ITPR2: variants seen among roughly 807,000 people sequenced by gnomAD.
ITPR2 encodes the protein inositol 1,4,5-trisphosphate-gated calcium channel ITPR2.
ITPR2 carries 207 observed loss-of-function variants against 317.1 expected under a neutral mutation model. That is an observed-to-expected ratio of 0.65 (90% CI 0.58 to 0.73). The LOEUF is 0.73. ITPR2 is among the 30% of genes least tolerant of loss of function. ITPR2 has a pLI of 0.00. For missense variants in ITPR2, 2,613 were observed against 3,284.0 expected (o/e 0.80, Z 4.99); for synonymous variants, 1,156 against 1,149.1 (o/e 1.01, Z -0.12).
intron 44 of ITPR2, among the ~76,000 whole-genome samples, 168 bp downstream of exon 44, chr12:26,476,744 C>T (rs958290426): frequency 1.3e-5 from 2 of 152,158 alleles, no homozygotes. Context: ...TCACACAGGC[C>T]TTTGTCACCA....
intron 26 of ITPR2, among the ~76,000 whole-genome samples, chr12:26,612,505 G>A (rs1340322501): frequency 6.6e-6 from 1 of 152,188 alleles, no homozygotes; most frequent in African/African-American, 2.4e-5. Context: ...ATCTTTGGCT[G>A]CTGGGTTATT....
intron 8 of ITPR2, among the ~76,000 whole-genome samples, chr12:26,711,582 A>C (rs1289671377): frequency 6.6e-6 from 1 of 152,152 alleles, no homozygotes; most frequent in African/African-American, 2.4e-5. Flanking sequence ...TCAAACATTT[A>C]CTTGGCAGCT....
chr12:26,517,787 G>A (rs1457916319), intron 37 of ITPR2, among the ~76,000 whole-genome samples: 1 of 152,184 alleles, frequency 6.6e-6, no homozygotes, highest in Admixed American at 6.5e-5. Flanking sequence ...GCAGTGAGTT[G>A]AGGTCACGCC....
intron 37 of ITPR2, among the ~76,000 whole-genome samples, chr12:26,497,421 T>A (rs2136880292): frequency 6.6e-6 from 1 of 152,332 alleles, no homozygotes; most frequent in South Asian, 2.1e-4. Flanking sequence ...CCCAAAGTGC[T>A]GGGATTACAG....
intron 55 of ITPR2, among the ~76,000 whole-genome samples, chr12:26,344,282 T>C (rs865862033): frequency 6.6e-6 from 1 of 152,140 alleles, no homozygotes; most frequent in Admixed American, 6.5e-5. Context: ...GAAAGCAGCA[T>C]TCTGGGAGAG....
In ITPR2 at chr12:26,340,964, G is replaced by A. The variant is rs189237413; in HGVS notation, c.7858-636C>T. ...AATAGCTGGTTCCACTTCTGTTTTTGTAGGCAGCCTGGGTGTATGTAGGTG... is the reference window on the plus strand; with the variant it reads ...AATAGCTGGTTCCACTTCTGTTTTTATAGGCAGCCTGGGTGTATGTAGGTG... On this transcript the variant is annotated intron_variant, in intron 55 of 56. Transcript: ENST00000381340. Among the ~76,000 whole-genome samples, 22 of 152,244 alleles carry A rather than the reference G, an allele frequency of 1.4e-4. No homozygotes were observed. The East Asian group carries it at 3.7e-3, about 25-fold the overall frequency.
intron 2 of ITPR2, among the ~76,000 whole-genome samples, chr12:26,752,230 T>C (rs989947969): frequency 4.6e-5 from 7 of 152,190 alleles, no homozygotes; most frequent in Admixed American, 1.3e-4. Flanking sequence ...AGTCCCTGAC[T>C]TACAATGGTT....
intron 44 of ITPR2, among the ~76,000 whole-genome samples, chr12:26,475,794 GGAACTTACTCTCCAGTGGGA>G (rs1172558288): frequency 6.6e-6 from 1 of 152,160 alleles, no homozygotes; most frequent in African/African-American, 2.4e-5. Flanking sequence ...GTACCCTCAT[GGAACTTACTCTCCAGTGGGA>G]GAGTCAGCAA....
chr12:26,467,625 G>C (rs1942200392), intron 45 of ITPR2, among the ~76,000 whole-genome samples: 1 of 152,162 alleles, frequency 6.6e-6, no homozygotes. Flanking sequence ...CTAGAATTCA[G>C]ACTGATGCTC....
At chr12:26,458,653 A>G (rs1263824325) in intron 45 of ITPR2, among the ~76,000 whole-genome samples, 2 of 152,222 alleles carry the variant, frequency 1.3e-5, no homozygotes, top group Non-Finnish European at 2.9e-5. Context: ...GGGGTGACGG[A>G]GGGGAACATT....
rs773731732 is a variant in ITPR2, at chr12:26,569,736, C to G, written c.4631-7784G>C. 9.9e-5 allele frequency among the ~76,000 whole-genome samples: 15 copies of G among 151,484 alleles called. 1 individual carries two copies. Among genetic ancestry groups the G allele is most frequent in the Non-Finnish European group, 1.5e-4 (10 of 67,896 alleles). On this transcript the variant is annotated intron_variant, in intron 34 of 56. Coordinates refer to ENST00000381340, the MANE Select transcript of ITPR2 (RefSeq NM_002223.4). ...ATATCAATCATTTAATGTTTTTTTC[C>G]TCACTCATAAAAAAGAGAAACACAC...
chr12:26,801,245 C>T (rs1191124547), intron 1 of ITPR2: 3 of 156,668 alleles, frequency 1.9e-5, no homozygotes, highest in African/African-American at 2.4e-5. Flanking sequence ...TATTTTATGC[C>T]CAGAACATTC....
At chr12:26,493,474 G>C (rs1465387366) in intron 39 of ITPR2, among the ~76,000 whole-genome samples, 1 of 152,130 alleles carries the variant, frequency 6.6e-6, no homozygotes, top group Non-Finnish European at 1.5e-5. Context: ...AGCTACATAG[G>C]AGGAATAAAT....
intron 34 of ITPR2, among the ~76,000 whole-genome samples, chr12:26,571,875 C>A (rs1168732097): frequency 6.6e-6 from 1 of 152,134 alleles, no homozygotes; most frequent in African/African-American, 2.4e-5. Flanking sequence ...ATTCCATGTA[C>A]AACTAAGAAA....
intron 32 of ITPR2, among the ~76,000 whole-genome samples, chr12:26,581,025 G>T (rs1945391168): frequency 6.6e-6 from 1 of 152,298 alleles, no homozygotes; most frequent in Middle Eastern, 3.4e-3. Context: ...CTGAAAAACT[G>T]CAGCAGAGAA....
At position 26,715,767 on chromosome 12, in the gene ITPR2, C is replaced by T; in HGVS notation, c.693G>A (p.Glu231=). The T allele has an allele frequency of 6.2e-7, 1 of 1,600,454 alleles. No homozygotes were observed. Among genetic ancestry groups the T allele is most frequent in the Non-Finnish European group, 8.6e-7 (1 of 1,168,420 alleles). Residue 231 remains glutamate, a synonymous_variant, in exon 7 of 57, where the codon GAG becomes GAA. Transcript: ENST00000381340. ...ACATACTTACTCCTTTTAATACATC[C>T]TCTCGATAGGAACTATATTTCATGA... ...TLFMKYSSYR[E]DVLKGGDVVR...
intron 37 of ITPR2, among the ~76,000 whole-genome samples, chr12:26,545,394 G>C (rs1944371568): frequency 6.6e-6 from 1 of 152,060 alleles, no homozygotes; most frequent in Non-Finnish European, 1.5e-5. Flanking sequence ...GCGGGAAATA[G>C]GGAGTGGAGA....
At chr12:26,624,387 T>C (rs1372567818) in intron 23 of ITPR2, 31 bp from the exon 24 acceptor site, 1 of 1,493,992 alleles carries the variant, frequency 6.7e-7, no homozygotes, top group Non-Finnish European at 9.2e-7. Flanking sequence ...ATCTCTTCTT[T>C]ATCCTATTTT....
In ITPR2 at chr12:26,472,702, A is replaced by C. The variant is rs562362953; in HGVS notation, c.6342+2594T>G. On this transcript the variant is annotated intron_variant, in intron 45 of 56. Coordinates refer to ENST00000381340, the MANE Select transcript of ITPR2 (RefSeq NM_002223.4). Reference sequence around the variant, plus strand: ...GTAATAAACTCAAATTCATTAAAATAATTGGCCTTTATGCCATCTTCATTT... The same window carrying C: ...GTAATAAACTCAAATTCATTAAAATCATTGGCCTTTATGCCATCTTCATTT... 4.6e-5 allele frequency among the ~76,000 whole-genome samples: 7 copies of C among 152,338 alleles called. No homozygotes were observed. In the East Asian group the frequency reaches 1.3e-3, roughly 29 times the overall value.
Sources: gnomAD v4.1 joint callset for allele counts (sites outside exome capture counted in the v4.1 genomes callset) on GRCh38, gnomAD v4.1.1 for gene constraint, MANE v1.5 for transcripts, NCBI Gene and HGNC (gene_info 2026-07-23, HGNC 2026-07-21) for gene names.